The following HEPH variants were observed in gnomAD, a reference collection of about 807,000 sequenced individuals.
HEPH encodes the protein hephaestin.
Under a neutral mutation model 80.8 loss-of-function variants are expected in HEPH, and 69 were observed. The observed-to-expected ratio is 0.85, with a 90% CI of 0.70 to 1.04. The LOEUF is 1.04. Ranked by LOEUF, HEPH falls within the 50% of genes least tolerant of loss-of-function variation. The pLI, the probability that HEPH is intolerant of heterozygous loss-of-function variation, is 0.00. For synonymous variants in HEPH, 431 were observed against 322.8 expected (o/e 1.34, Z -3.60); for missense variants, 1,115 against 891.3 (o/e 1.25, Z -3.20).
chrX:66,220,336 C>T (rs1027347877), intron 15 of HEPH, among the ~76,000 whole-genome samples: 10 of 111,408 alleles, frequency 9.0e-5, no homozygotes, highest in African/African-American at 2.3e-4. Flanking sequence ...CTCAGGAGCA[C>T]GTTTATAAAC....
chrX:66,216,701 G>A (rs954941422), intron 15 of HEPH, among the ~76,000 whole-genome samples: 1 of 111,556 alleles, frequency 9.0e-6, no homozygotes, highest in Non-Finnish European at 1.9e-5. Flanking sequence ...TTACAGCAAT[G>A]GATCCAAATC....
chrX:66,259,711 C>CT (rs11348677), intron 18 of HEPH, among the ~76,000 whole-genome samples: 1,030 of 94,300 alleles, frequency 0.011, 12 homozygotes, highest in African/African-American at 0.026. Flanking sequence ...ATAAAGTGGA[C>CT]TTTTTTTTTT....
At chrX:66,264,282 TAA>T (rs2091460930) in intron 20 of HEPH, among the ~76,000 whole-genome samples, 1 of 105,546 alleles carries the variant, frequency 9.5e-6, no homozygotes. Flanking sequence ...ATATATATAT[TAA>T]ATATATATAT....
At chrX:66,180,990 T>C (rs2087118409) in intron 4 of HEPH, among the ~76,000 whole-genome samples, 1 of 98,774 alleles carries the variant, frequency 1.0e-5, no homozygotes, top group Admixed American at 1.1e-4. Context: ...AGAATGATGG[T>C]TTCCAGTTTC....
chrX:66,180,556 C>T (rs2087063764), intron 4 of HEPH, among the ~76,000 whole-genome samples: 1 of 105,618 alleles, frequency 9.5e-6, no homozygotes, highest in Admixed American at 1.0e-4. Context: ...CCTTCTTTGT[C>T]TTAACTTTAG....
At chrX:66,233,834 T>G (rs2090252600) in intron 15 of HEPH, among the ~76,000 whole-genome samples, 1 of 111,493 alleles carries the variant, frequency 9.0e-6, no homozygotes, top group African/African-American at 3.3e-5. Context: ...AATTCACTGG[T>G]CAGTCATGAT....
Position 66,256,284 on chromosome X carries a change from T to C in HEPH, c.2850T>C (p.Ser950=), listed in dbSNP as rs2091179126. The change falls in exon 17 of 21, where the codon AGT becomes AGC. Residue 950 remains serine (S), a synonymous_variant. Transcript: ENST00000343002. Reference sequence around the variant, plus strand: ...CCCATGGGTCCCAGGATCCAGGCAGTATTAACCTACAGGATGAAACTTTCT... The same window carrying C: ...CCCATGGGTCCCAGGATCCAGGCAGCATTAACCTACAGGATGAAACTTTCT... ...VATHGSQDPG[S]INLQDETFLE... 1 of 1,210,913 alleles carries C rather than the reference T, an allele frequency of 8.3e-7. No individual in the cohort carries two copies.
chrX:66,195,966 C>G (rs1482070354), intron 9 of HEPH, among the ~76,000 whole-genome samples: 4 of 111,566 alleles, frequency 3.6e-5, no homozygotes, highest in Non-Finnish European at 7.5e-5. Context: ...AAGTTGCAGA[C>G]AAATCTAGAA....
At chrX:66,239,322 A>T (rs765553774) in intron 15 of HEPH, among the ~76,000 whole-genome samples, 17 of 111,318 alleles carry the variant, frequency 1.5e-4, no homozygotes, top group Middle Eastern at 4.7e-3. Flanking sequence ...GAGTCCCCAG[A>T]GTCTTCCCCC....
intron 1 of HEPH, among the ~76,000 whole-genome samples, chrX:66,166,823 ATGTT>A (rs1021550609): frequency 1.1e-3 from 121 of 111,941 alleles, no homozygotes; most frequent in African/African-American, 3.8e-3. Context: ...TTTCATACCT[ATGTT>A]TATATTCCTG....
chrX:66,165,070 G>T (rs2086297501), intron 1 of HEPH, among the ~76,000 whole-genome samples: 1 of 111,741 alleles, frequency 8.9e-6, no homozygotes, highest in African/African-American at 3.3e-5. Context: ...GATTGAAAAA[G>T]ATGGTTTCTA....
chrX:66,211,884 T>G (rs762369616), intron 15 of HEPH, among the ~76,000 whole-genome samples: 4 of 111,716 alleles, frequency 3.6e-5, no homozygotes, highest in African/African-American at 1.3e-4. Context: ...TGAATAGTAA[T>G]TTTTTAGTTT....
At chrX:66,266,091 C>G (rs1392234240) in intron 20 of HEPH, among the ~76,000 whole-genome samples, 5 of 110,543 alleles carry the variant, frequency 4.5e-5, no homozygotes, top group African/African-American at 1.3e-4. Context: ...GCCTCCAATT[C>G]TACCCTCTGA....
chrX:66,246,210 C>T (rs2090799361), intron 15 of HEPH, among the ~76,000 whole-genome samples: 1 of 111,975 alleles, frequency 8.9e-6, no homozygotes, highest in Non-Finnish European at 1.9e-5. Context: ...CTGAATAGGA[C>T]TGAGTTCAGA....
At chrX:66,214,953 A>G (rs1404364081) in intron 15 of HEPH, among the ~76,000 whole-genome samples, 1 of 111,468 alleles carries the variant, frequency 9.0e-6, no homozygotes, top group African/African-American at 3.2e-5. Context: ...GGATTTACTT[A>G]GGTGTATGTT....
intron 15 of HEPH, among the ~76,000 whole-genome samples, chrX:66,238,562 A>G (rs746535486): frequency 1.2e-4 from 13 of 111,567 alleles, no homozygotes; most frequent in Non-Finnish European, 2.3e-4. Context: ...AAACAAACAA[A>G]CAAAAGAATG....
intron 15 of HEPH, among the ~76,000 whole-genome samples, chrX:66,228,604 T>A (rs2089988210): frequency 9.0e-6 from 1 of 111,449 alleles, no homozygotes; most frequent in African/African-American, 3.3e-5. Context: ...TCCCAGAGAG[T>A]GAGATAAAAT....
chrX:66,168,481 G>A (rs897492717), intron 1 of HEPH, among the ~76,000 whole-genome samples: 6 of 111,608 alleles, frequency 5.4e-5, no homozygotes, highest in Non-Finnish European at 1.1e-4. Context: ...AGGCTACACA[G>A]CTGGTCAGTG....
intron 15 of HEPH, among the ~76,000 whole-genome samples, chrX:66,219,893 A>G (rs2089565824): frequency 9.0e-6 from 1 of 111,538 alleles, no homozygotes; most frequent in Admixed American, 9.4e-5. Flanking sequence ...GGGTGGGTTC[A>G]CAGAGTTTGC....
Sources: allele counts gnomAD v4.1 joint callset (sites outside exome capture counted in the v4.1 genomes callset), GRCh38; gene constraint gnomAD v4.1.1; transcripts MANE v1.5; gene names NCBI Gene and HGNC (gene_info 2026-07-23, HGNC 2026-07-21).